AGBL1: variants seen among roughly 807,000 people sequenced by gnomAD.
The protein encoded by AGBL1 is cytosolic carboxypeptidase 4.
AGBL1 carries 130 observed loss-of-function variants against 118.9 expected under a neutral mutation model. The ratio of observed to expected loss-of-function variants is 1.09; its 90% CI spans 0.95 to 1.26. The LOEUF is 1.26. Among genes scored for constraint, AGBL1 ranks in the 50% most tolerant of loss-of-function variants. The pLI is 0.00. For synonymous variants in AGBL1, 555 were observed against 478.9 expected, an observed-to-expected ratio of 1.16 and a Z score of -2.08; for missense variants, 1,584 against 1,298.1, an observed-to-expected ratio of 1.22 and a Z score of -3.38.
intron 22 of AGBL1, among the ~76,000 whole-genome samples, chr15:86,703,755 A>G (rs892028484): frequency 5.3e-5 from 8 of 152,108 alleles, no homozygotes; most frequent in African/African-American, 1.9e-4. Context: ...CTGCCAGGTA[A>G]GATGATGTGT....
intron 18 of AGBL1, among the ~76,000 whole-genome samples, chr15:86,512,856 CT>C (rs1309237005): frequency 2.0e-5 from 3 of 151,244 alleles, no homozygotes; most frequent in African/African-American, 7.3e-5. Context: ...ATGATATTTT[CT>C]TTTTTTAACC....
At chr15:86,317,864 T>C (rs2080040597) in intron 17 of AGBL1, among the ~76,000 whole-genome samples, 1 of 152,182 alleles carries the variant, frequency 6.6e-6, no homozygotes, top group Admixed American at 6.5e-5. Context: ...CATGAAATTC[T>C]TGAAGTGGAA....
intron 21 of AGBL1, among the ~76,000 whole-genome samples, chr15:86,584,114 C>A (rs1441962857): frequency 6.6e-6 from 1 of 151,896 alleles, no homozygotes; most frequent in Non-Finnish European, 1.5e-5. Flanking sequence ...TTTGCAAATA[C>A]TTTTTGCCAT....
intron 17 of AGBL1, among the ~76,000 whole-genome samples, chr15:86,377,864 C>T (rs10520624): frequency 0.043 from 6,531 of 152,162 alleles, 286 homozygotes; most frequent in East Asian, 0.21. Flanking sequence ...AGGTATTATT[C>T]GTATGATTGC....
Position 86,349,003 on chromosome 15 carries a change from G to A in AGBL1, c.2375-48363G>A, listed in dbSNP as rs540163828. On this transcript the variant is annotated intron_variant, in intron 17 of 22. Transcript: ENST00000614907. Reference sequence around the variant, plus strand: ...AAGACTGTTGTCCTTTTAAGACAAGGAAACTTTGGACATGGAGACACAGAC... The same window carrying A: ...AAGACTGTTGTCCTTTTAAGACAAGAAAACTTTGGACATGGAGACACAGAC... 1.5e-3 allele frequency among the ~76,000 whole-genome samples: 221 copies of A among 152,268 alleles called. 7 individuals carry two copies. The South Asian group carries it at 0.038, about 26-fold the overall frequency.
At chr15:86,800,367 T>A (rs1267281870) in intron 22 of AGBL1, among the ~76,000 whole-genome samples, 2 of 152,128 alleles carry the variant, frequency 1.3e-5, no homozygotes, top group East Asian at 1.9e-4. Flanking sequence ...TGTATTTGTG[T>A]TTTTTCTCCT....
intron 18 of AGBL1, among the ~76,000 whole-genome samples, chr15:86,512,410 G>A (rs1478764150): frequency 6.6e-5 from 10 of 151,350 alleles, no homozygotes; most frequent in East Asian, 3.9e-4. Context: ...TCATTGTCTC[G>A]CATTTTCTTT....
At chr15:86,838,452 T>C (rs368027945) in intron 22 of AGBL1, among the ~76,000 whole-genome samples, 329 of 152,292 alleles carry the variant, frequency 2.2e-3, no homozygotes, top group Non-Finnish European at 2.8e-3. Context: ...TTTCTGCTGC[T>C]GCAAGTTCTA....
At chr15:86,683,164 AAATTT>A (rs2085992206) in intron 22 of AGBL1, among the ~76,000 whole-genome samples, 1 of 152,168 alleles carries the variant, frequency 6.6e-6, no homozygotes, top group African/African-American at 2.4e-5. Context: ...TGTATAATCT[AAATTT>A]AATTTAGTTT....
At chr15:86,234,550 C>CAAAAAA (rs397854519) in intron 6 of AGBL1, among the ~76,000 whole-genome samples, 1 of 76,294 alleles carries the variant, frequency 1.3e-5, no homozygotes, top group Non-Finnish European at 2.5e-5. Flanking sequence ...GACTCTATCT[C>CAAAAAA]AAAAAAAAAA....
chr15:86,281,213 A>G lies in AGBL1; in HGVS notation c.2220+1430A>G, dbSNP rs142835703. ...GCCTGGGCAGCATGGTGAAACCACC[A>G]TCTCTACAAAAAATACAAAAATTAG... On this transcript the variant is annotated intron_variant, in intron 16 of 22. Coordinates refer to ENST00000614907, the MANE Select transcript of AGBL1 (RefSeq NM_001386094.1). Among the ~76,000 whole-genome samples the G allele has an allele frequency of 3.9e-3, 590 of 152,192 alleles. 5 individuals are homozygous for G. Among genetic ancestry groups the G allele is most frequent in the African/African-American group, 0.014 (561 of 41,544 alleles).
intron 13 of AGBL1, among the ~76,000 whole-genome samples, chr15:86,269,366 C>T (rs979159689): frequency 4.6e-5 from 7 of 152,150 alleles, no homozygotes; most frequent in Admixed American, 4.6e-4. Context: ...TCAAAAGTAA[C>T]GTTGATCTCA....
chr15:86,906,264 G>C (rs1444037235), intron 22 of AGBL1, among the ~76,000 whole-genome samples: 1 of 152,224 alleles, frequency 6.6e-6, no homozygotes, highest in Admixed American at 6.5e-5. Flanking sequence ...GCAAATGAGG[G>C]AGACATACAG....
chr15:87,005,158 A>G (rs1183476125), intron 24 of AGBL1, among the ~76,000 whole-genome samples: 1 of 152,090 alleles, frequency 6.6e-6, no homozygotes, highest in African/African-American at 2.4e-5. Context: ...GAATCTGACA[A>G]TTATGTGTCT....
chr15:86,155,035 G>C (rs1384804686), intron 4 of AGBL1, among the ~76,000 whole-genome samples: 2 of 152,032 alleles, frequency 1.3e-5, no homozygotes, highest in Non-Finnish European at 2.9e-5. Context: ...CTTCTCAACA[G>C]GGTCCTCCAG....
intron 18 of AGBL1, among the ~76,000 whole-genome samples, chr15:86,501,419 T>C (rs1171660375): frequency 1.3e-5 from 2 of 151,694 alleles, no homozygotes; most frequent in Non-Finnish European, 3.0e-5. Context: ...ACTTTCTTGA[T>C]AGTGTCCTGT....
chr15:86,437,588 C>T (rs1228485997), intron 18 of AGBL1, among the ~76,000 whole-genome samples: 1 of 152,188 alleles, frequency 6.6e-6, no homozygotes, highest in Non-Finnish European at 1.5e-5. Flanking sequence ...CCTAGTCTGT[C>T]ACAAGCCCAG....
intron 22 of AGBL1, among the ~76,000 whole-genome samples, chr15:86,724,533 C>G (rs1364768041): frequency 3.3e-5 from 5 of 151,764 alleles, no homozygotes; most frequent in South Asian, 2.1e-4. Context: ...CAGCAGGGGG[C>G]AAGGGTAGAG....
At chr15:86,817,851 A>T (rs960237125) in intron 22 of AGBL1, among the ~76,000 whole-genome samples, 10 of 152,204 alleles carry the variant, frequency 6.6e-5, no homozygotes, top group African/African-American at 2.4e-4. Context: ...CTGGAATAAA[A>T]GTAGGCCCTT....
Sources: gnomAD v4.1 joint callset for allele counts (sites outside exome capture counted in the v4.1 genomes callset) on GRCh38, gnomAD v4.1.1 for gene constraint, MANE v1.5 for transcripts, NCBI Gene and HGNC (gene_info 2026-07-23, HGNC 2026-07-21) for gene names.